CPQ: variants seen among roughly 807,000 people sequenced by gnomAD.
The protein encoded by CPQ is Ser-Met dipeptidase.
A neutral mutation model predicts 45.7 loss-of-function variants in CPQ; 37 were observed. That is an observed-to-expected ratio of 0.81 (90% CI 0.62 to 1.07). The LOEUF (loss-of-function observed/expected upper bound fraction) is 1.07, where lower values mean the gene tolerates loss of function less well. Among genes scored for constraint, CPQ ranks in the 50% least tolerant of loss-of-function variants. The probability of loss-of-function intolerance (pLI) is 0.00; values close to 1 mark genes in which losing one functional copy is unlikely to be tolerated. For synonymous variants in CPQ, 186 were observed against 205.8 expected (o/e 0.90, Z 0.82); for missense variants, 537 against 572.9 (o/e 0.94, Z 0.64).
chr8:96,946,053 T>C (rs1813183516), intron 4 of CPQ, among the ~76,000 whole-genome samples: 1 of 152,182 alleles, frequency 6.6e-6, no homozygotes, highest in Non-Finnish European at 1.5e-5. Flanking sequence ...CAGGCCTGCT[T>C]TCTATGATGC....
intron 2 of CPQ, among the ~76,000 whole-genome samples, chr8:96,809,910 G>A (rs993809895): frequency 6.6e-6 from 1 of 151,984 alleles, no homozygotes; most frequent in Admixed American, 6.6e-5. Context: ...TTATGGCTTC[G>A]TCTCTTGCAT....
chr8:96,972,267 T>C lies in CPQ; in HGVS notation c.961+6221T>C, dbSNP rs558543327. Among the ~76,000 whole-genome samples, 8 of 152,200 alleles carry C rather than the reference T, an allele frequency of 5.3e-5. No homozygotes were observed. In the East Asian group the frequency reaches 1.4e-3, roughly 26 times the overall value. On this transcript the variant is annotated intron_variant, in intron 5 of 7. Coordinates refer to ENST00000220763, the MANE Select transcript of CPQ (RefSeq NM_016134.4). ...CCACCTCCCTGGCAACTTGTATGAC[T>C]CAGTAGAGACAGCCATAATCCCCCT... is the stretch of plus-strand genomic sequence containing the variant.
chr8:96,820,773 C>G (rs987150953), intron 2 of CPQ, among the ~76,000 whole-genome samples: 1 of 151,974 alleles, frequency 6.6e-6, no homozygotes, highest in African/African-American at 2.4e-5. Context: ...GAAATAAACA[C>G]GGGAGTGCAG....
chr8:96,749,458 A>G (rs137876755), intron 1 of CPQ, among the ~76,000 whole-genome samples: 2 of 152,238 alleles, frequency 1.3e-5, no homozygotes, highest in Non-Finnish European at 2.9e-5. Flanking sequence ...TACTTTGATA[A>G]CCCAGTCAGC....
chr8:96,849,476 G>T (rs989249702), intron 3 of CPQ, among the ~76,000 whole-genome samples: 2 of 152,122 alleles, frequency 1.3e-5, no homozygotes, highest in African/African-American at 4.8e-5. Context: ...ACACATTCCT[G>T]TACCAAGATG....
chr8:96,900,404 C>T (rs148262050), intron 4 of CPQ, among the ~76,000 whole-genome samples: 55 of 152,084 alleles, frequency 3.6e-4, no homozygotes, highest in Middle Eastern at 3.4e-3. Flanking sequence ...GGTTTGTTGC[C>T]CTGTGTTAGA....
chr8:97,103,186 C>T (rs1000454950), intron 7 of CPQ, among the ~76,000 whole-genome samples: 1 of 152,120 alleles, frequency 6.6e-6, no homozygotes, highest in Non-Finnish European at 1.5e-5. Context: ...TGCAAAGTTC[C>T]TTTTTGCCAT....
At chr8:96,909,621 G>A (rs551603023) in intron 4 of CPQ, among the ~76,000 whole-genome samples, 4 of 152,292 alleles carry the variant, frequency 2.6e-5, no homozygotes, top group African/African-American at 7.2e-5. Flanking sequence ...AACCAGTGGT[G>A]TGACTGTCCT....
In CPQ at chr8:96,810,136, C is replaced by G. The variant is rs551998228; in HGVS notation, c.433+24806C>G. On this transcript the variant is annotated intron_variant, in intron 2 of 7. Transcript: ENST00000220763. ...GTTTGGAATTCACCTTCTCCAAGAGCCTTCCCCTGGTTTCTCCCCATCCCT... is the reference window on the plus strand; with the variant it reads ...GTTTGGAATTCACCTTCTCCAAGAGGCTTCCCCTGGTTTCTCCCCATCCCT... Among the ~76,000 whole-genome samples, 16 of 152,290 alleles carry G rather than the reference C, an allele frequency of 1.1e-4. No homozygotes were observed. The East Asian group carries it at 2.9e-3, about 28-fold the overall frequency.
chr8:96,696,538 ATAAAAT>A (rs1390124908), intron 1 of CPQ, among the ~76,000 whole-genome samples: 6 of 152,124 alleles, frequency 3.9e-5, no homozygotes, highest in Non-Finnish European at 8.8e-5. Flanking sequence ...GCAGAAATAA[ATAAAAT>A]TAAAATTAAA....
At chr8:97,029,646 A>G (rs1809862455) in intron 6 of CPQ, 152 bp downstream of exon 6, 1 of 677,044 alleles carries the variant, frequency 1.5e-6, no homozygotes, top group South Asian at 1.8e-5. Context: ...CCTGTGAATG[A>G]GAATGCACTG....
At chr8:97,043,946 T>C (rs190301930) in intron 6 of CPQ, among the ~76,000 whole-genome samples, 15 of 152,306 alleles carry the variant, frequency 9.8e-5, no homozygotes, top group Admixed American at 6.5e-4. Context: ...TTTGGTGAAT[T>C]TGACAATTAT....
At chr8:97,070,308 A>G (rs2130535819) in intron 7 of CPQ, among the ~76,000 whole-genome samples, 1 of 152,272 alleles carries the variant, frequency 6.6e-6, no homozygotes, top group Middle Eastern at 3.4e-3. Flanking sequence ...ACAACCTGGC[A>G]TGTGAATTAC....
intron 3 of CPQ, among the ~76,000 whole-genome samples, chr8:96,861,414 A>G (rs1289698658): frequency 2.0e-5 from 3 of 152,090 alleles, no homozygotes; most frequent in Non-Finnish European, 4.4e-5. Flanking sequence ...AAAGGGGGAA[A>G]AGCAATAAGG....
chr8:97,116,317 T>C (rs1343096512), intron 7 of CPQ, among the ~76,000 whole-genome samples: 1 of 152,164 alleles, frequency 6.6e-6, no homozygotes, highest in African/African-American at 2.4e-5. Context: ...AATATGCTAA[T>C]TCAGACTCTA....
chr8:96,888,558 A>G (rs2130887456), intron 4 of CPQ, among the ~76,000 whole-genome samples: 1 of 152,350 alleles, frequency 6.6e-6, no homozygotes, highest in African/African-American at 2.4e-5. Context: ...TTTACAGAGT[A>G]AGGGTGTTGC....
At chr8:96,764,595 A>C (rs943892370) in intron 1 of CPQ, among the ~76,000 whole-genome samples, 2 of 152,202 alleles carry the variant, frequency 1.3e-5, no homozygotes, top group Non-Finnish European at 2.9e-5. Flanking sequence ...ACAGCTGCTA[A>C]AAAAGTGATA....
chr8:97,030,714 G>A (rs1809886289), intron 6 of CPQ, among the ~76,000 whole-genome samples: 1 of 152,080 alleles, frequency 6.6e-6, no homozygotes, highest in Non-Finnish European at 1.5e-5. Context: ...ATGCATTAAT[G>A]TTAGCATCAA....
At chr8:97,062,156 C>G (rs1020835259) in intron 6 of CPQ, among the ~76,000 whole-genome samples, 4 of 152,156 alleles carry the variant, frequency 2.6e-5, no homozygotes, top group African/African-American at 9.7e-5. Context: ...TTAATGAACA[C>G]ATTATTAGAA....
Sources: allele counts gnomAD v4.1 joint callset (sites outside exome capture counted in the v4.1 genomes callset), GRCh38; gene constraint gnomAD v4.1.1; transcripts MANE v1.5; gene names NCBI Gene and HGNC (gene_info 2026-07-23, HGNC 2026-07-21).